Variants in PREPL observed in about 807,000 individuals in gnomAD.
PREPL encodes the protein prolyl endopeptidase like.
A neutral mutation model predicts 70.6 loss-of-function variants in PREPL; 77 were observed. That is an observed-to-expected ratio of 1.09 (90% CI 0.91 to 1.32). PREPL has a LOEUF of 1.32. Ranked by LOEUF, PREPL falls within the 40% of genes most tolerant of loss-of-function variation. PREPL has a pLI of 0.00. For synonymous variants in PREPL, 315 were observed against 264.8 expected (o/e 1.19, Z -1.84); for missense variants, 1,002 against 778.2 (o/e 1.29, Z -3.42).
rs1673086964 is a variant in PREPL, at chr2:44,322,612, T to C, written c.1753+119A>G. Reference sequence around the variant, plus strand: ...TGGGGAGTCAACATAGCAAAATAATTGTTTGCCCTAAATCCTGGGCAGATG... The same window carrying C: ...TGGGGAGTCAACATAGCAAAATAATCGTTTGCCCTAAATCCTGGGCAGATG... On this transcript the variant is annotated intron_variant, in intron 12 of 13. Transcript: ENST00000409411. 2.3e-6 allele frequency: 3 copies of C among 1,320,606 alleles called. No homozygotes were observed. In the African/African-American group the frequency reaches 4.4e-5, roughly 20 times the overall value. 81.8% of individuals were successfully genotyped at this position (1,320,606 alleles called of 1,614,324 possible).
rs1000231268 is a variant in PREPL, at chr2:44,317,724, T to C, written c.*3632A>G. The C allele has an allele frequency of 2.6e-5, 4 of 152,204 alleles. No homozygotes were observed. Among genetic ancestry groups the C allele is most frequent in the East Asian group, 3.9e-4 (2 of 5,182 alleles). 9.4% of individuals were successfully genotyped at this position (152,204 alleles called of 1,614,324 possible). Reference sequence around the variant, plus strand: ...CAATTTTCAAATTTTCAAAGAATACTAGAAGAAAAAAATTATACAGTCAAT... The same window carrying C: ...CAATTTTCAAATTTTCAAAGAATACCAGAAGAAAAAAATTATACAGTCAAT... On this transcript the variant is annotated 3_prime_UTR_variant, in exon 14 of 14. Transcript: ENST00000409411.
At chr2:44,321,794 A>C (rs1309157884) in intron 13 of PREPL, 33 bp downstream of exon 13, 21 of 1,613,722 alleles carry the variant, frequency 1.3e-5, no homozygotes, top group Non-Finnish European at 1.8e-5. Context: ...CTAGTTCGGG[A>C]ATCTGTCCAC....
At position 44,354,029 on chromosome 2, in the gene PREPL, T is replaced by C. The variant is rs568256373; in HGVS notation, c.-49+7351A>G. 1.2e-3 allele frequency among the ~76,000 whole-genome samples: 187 copies of C among 152,142 alleles called. 1 individual carries two copies. The highest frequency in any genetic ancestry group is 4.4e-3 in the African/African-American group (183 of 41,510). ...AAAAAATCAAAAAATTAGCTGGGCATAGTTGTGGGCCCAGCTACTTGCAAG... is the reference window on the plus strand; with the variant it reads ...AAAAAATCAAAAAATTAGCTGGGCACAGTTGTGGGCCCAGCTACTTGCAAG... On this transcript the variant is annotated intron_variant, in intron 1 of 13. Coordinates refer to ENST00000409411, the MANE Select transcript of PREPL (RefSeq NM_001171613.2).
At chr2:44,343,198 A>G (rs1233314361) in intron 4 of PREPL, among the ~76,000 whole-genome samples, 2 of 152,232 alleles carry the variant, frequency 1.3e-5, no homozygotes, top group African/African-American at 4.8e-5. Context: ...TAGTTAAACA[A>G]TGGAGAAAAT....
chr2:44,328,891 C>A (rs1673802935), intron 9 of PREPL, 46 bp downstream of exon 9: 1 of 1,509,724 alleles, frequency 6.6e-7, no homozygotes, highest in Admixed American at 2.1e-5. Context: ...TGACATCTCT[C>A]ACAATGGTCT....
rs1230296762 is a variant in PREPL at position 44,343,843 on chromosome 2, T to C, written c.251A>G (p.Lys84Arg). 3 of 1,613,888 alleles carry C rather than the reference T, an allele frequency of 1.9e-6. No individual in the cohort carries two copies. The highest frequency in any genetic ancestry group is 2.2e-5 in the East Asian group (1 of 44,886). ...VAPDEKYVAA[K>R]IRTEDSEAST... ...TGCTTCAGAATCTTCAGTTCTTATC[T>C]TGGCAGCCACATATTTTTCATCTGG... Residue 84 changes from lysine to arginine, a missense_variant, in exon 4 of 14, where the codon AAG becomes AGG. Physicochemically the swap from Lys to Arg is conservative, Grantham distance 26 (BLOSUM62 2). Transcript: ENST00000409411.
chr2:44,357,321 T>C (rs1051385864), intron 1 of PREPL, among the ~76,000 whole-genome samples: 1 of 152,216 alleles, frequency 6.6e-6, no homozygotes, highest in African/African-American at 2.4e-5. Context: ...CCTATAAAAG[T>C]GGACAGAGTT....
Position 44,320,725 on chromosome 2 carries a change from T to G in PREPL, c.*631A>C. The G allele has an allele frequency of 9.9e-7, 1 of 1,011,674 alleles. No homozygotes were observed. Among genetic ancestry groups the G allele is most frequent in the Non-Finnish European group, 1.6e-6 (1 of 638,840 alleles). The allele number at this position is 1,011,674 out of a possible 1,614,324, so 62.7% of individuals were successfully genotyped here. On this transcript the variant is annotated 3_prime_UTR_variant, in exon 14 of 14. Transcript: ENST00000409411. ...GCTTCATGTACAGCATGCTGCTTGG[T>G]GAACAATCATTAATTCTTCGATATT... is the stretch of plus-strand genomic sequence containing the variant.
At chr2:44,347,399 A>C (rs1675944587) in intron 1 of PREPL, 1 of 152,208 alleles carries the variant, frequency 6.6e-6, no homozygotes, top group South Asian at 2.1e-4. Context: ...CTTTGAGGAA[A>C]AATAACATGT....
chr2:44,350,122 G>C (rs1371965351), intron 1 of PREPL, among the ~76,000 whole-genome samples: 1 of 151,854 alleles, frequency 6.6e-6, no homozygotes, highest in Non-Finnish European at 1.5e-5. Flanking sequence ...ATCAAAATTA[G>C]ACAATGATGA....
intron 9 of PREPL, among the ~76,000 whole-genome samples, chr2:44,327,553 T>G (rs915620074): frequency 6.6e-6 from 1 of 152,158 alleles, no homozygotes; most frequent in African/African-American, 2.4e-5. Context: ...TGACAGAGCA[T>G]GTCATTTAAA....
At chr2:44,359,643 T>G (rs1173484198) in intron 1 of PREPL, 3 of 1,613,170 alleles carry the variant, frequency 1.9e-6, no homozygotes, top group Non-Finnish European at 1.7e-6. Context: ...AAATGCTGTT[T>G]CTGCATGCAT....
chr2:44,350,862 T>A (rs1288019872), intron 1 of PREPL, among the ~76,000 whole-genome samples: 1 of 152,152 alleles, frequency 6.6e-6, no homozygotes, highest in East Asian at 1.9e-4. Context: ...AAAAACACTT[T>A]TCTTTACTTG....
intron 3 of PREPL, 46 bp downstream of exon 3, chr2:44,344,474 T>A (rs780568878): frequency 2.3e-6 from 3 of 1,278,440 alleles, no homozygotes; most frequent in African/African-American, 3.1e-5. Context: ...ATAAAAAATA[T>A]GAAATCTGAA....
intron 1 of PREPL, chr2:44,356,437 T>G (rs1484058047): frequency 1.3e-5 from 2 of 152,254 alleles, no homozygotes; most frequent in Non-Finnish European, 2.9e-5. Flanking sequence ...TCCCAGCTAC[T>G]TGGCAGCTGA....
chr2:44,328,437 A>AC (rs1491148734), intron 9 of PREPL, among the ~76,000 whole-genome samples: 3 of 129,566 alleles, frequency 2.3e-5, no homozygotes, highest in East Asian at 2.0e-4. Context: ...ACTGTCTCAA[A>AC]CAAAAAAAAA....
intron 9 of PREPL, 38 bp from the exon 10 acceptor site, chr2:44,326,966 A>C (rs1673567669): frequency 6.4e-7 from 1 of 1,572,900 alleles, no homozygotes; most frequent in South Asian, 1.1e-5. Flanking sequence ...GTGGAAAAAA[A>C]AAGTTAATAC....
At chr2:44,351,229 C>A (rs1572559468) in intron 1 of PREPL, among the ~76,000 whole-genome samples, 1 of 151,952 alleles carries the variant, frequency 6.6e-6, no homozygotes, top group East Asian at 1.9e-4. Context: ...GCCACTGGGC[C>A]TGGCATCTCC....
chr2:44,345,359 C>CTT lies in PREPL; in HGVS notation c.76-775_76-774dup, dbSNP rs540009409. On this transcript the variant is annotated intron_variant, in intron 2 of 13. Coordinates refer to ENST00000409411, the MANE Select transcript of PREPL (RefSeq NM_001171613.2). Reference sequence around the variant, plus strand: ...TATTGAAAAATTCAATTCATTTTTTCTTTTTTTTTTGAGACAGAGTCTTGC... The same window carrying CTT: ...TATTGAAAAATTCAATTCATTTTTTCTTTTTTTTTTTTGAGACAGAGTCTTGC... Among the ~76,000 whole-genome samples the CTT allele has an allele frequency of 3.7e-3, 538 of 147,266 alleles. 1 individual carries two copies. Among genetic ancestry groups the CTT allele is most frequent in the African/African-American group, 0.013 (521 of 40,228 alleles).
Sources: allele counts gnomAD v4.1 joint callset (sites outside exome capture counted in the v4.1 genomes callset), GRCh38; gene constraint gnomAD v4.1.1; transcripts MANE v1.5; gene names NCBI Gene and HGNC (gene_info 2026-07-23, HGNC 2026-07-21).